PXDNL: variants seen among roughly 807,000 people sequenced by gnomAD.
PXDNL encodes the protein probable oxidoreductase PXDNL.
PXDNL carries 145 observed loss-of-function variants against 150.8 expected under a neutral mutation model. That is an observed-to-expected ratio of 0.96 (90% confidence interval 0.84 to 1.10). The LOEUF is 1.10. PXDNL is among the 50% of genes least tolerant of loss of function. The pLI is 0.00. For missense variants in PXDNL, 2,087 were observed against 1,873.9 expected (o/e 1.11, Z -2.10); for synonymous variants, 757 against 725.7 (o/e 1.04, Z -0.69).
chr8:51,512,952 A>C (rs1811454436), intron 4 of PXDNL, among the ~76,000 whole-genome samples: 1 of 152,212 alleles, frequency 6.6e-6, no homozygotes, highest in African/African-American at 2.4e-5. Flanking sequence ...CAAGCAGCCC[A>C]ACCTAGGTTC....
intron 10 of PXDNL, among the ~76,000 whole-genome samples, chr8:51,449,408 T>C (rs1269806515): frequency 6.6e-6 from 1 of 152,240 alleles, no homozygotes; most frequent in Non-Finnish European, 1.5e-5. Context: ...ATATTGGTTA[T>C]CATTTTAGTA....
chr8:51,608,015 AAGAAAG>A lies in PXDNL; in HGVS notation c.237-15323_237-15318del, dbSNP rs1554557488. On this transcript the variant is annotated intron_variant, in intron 2 of 22. Transcript: ENST00000356297. ...AGAGGAAGGAAGGAAGAAAGAAAGA[AAGAAAG>A]AAAGAAAGAAAGAAAGAAAGAAAGA... Among the ~76,000 whole-genome samples, 15 of 66,394 alleles carry A rather than the reference AAGAAAG, an allele frequency of 2.3e-4. 2 individuals are homozygous for A. The highest frequency in any genetic ancestry group is 1.2e-3 in the African/African-American group (15 of 12,638). 43.6% of individuals were successfully genotyped at this position (66,394 alleles called of 152,430 possible).
intron 2 of PXDNL, among the ~76,000 whole-genome samples, chr8:51,617,272 C>T (rs1814149429): frequency 6.6e-6 from 1 of 152,116 alleles, no homozygotes; most frequent in African/African-American, 2.4e-5. Context: ...AATTAGTTGA[C>T]ATTAAAAGAC....
chr8:51,668,176 C>CTTTTTTTTTTCT (rs1815427457), intron 1 of PXDNL, among the ~76,000 whole-genome samples: 1 of 77,386 alleles, frequency 1.3e-5, no homozygotes, highest in Non-Finnish European at 2.2e-5. Context: ...CTCGCTCTCT[C>CTTTTTTTTTTCT]TTTTTTTTTT....
chr8:51,513,301 A>T (rs1811464563), intron 4 of PXDNL, among the ~76,000 whole-genome samples: 1 of 152,154 alleles, frequency 6.6e-6, no homozygotes, highest in African/African-American at 2.4e-5. Context: ...AGCAGTGAGG[A>T]AAGGGAAGTA....
chr8:51,342,405 G>GA (rs1000809482), intron 20 of PXDNL, among the ~76,000 whole-genome samples: 6 of 151,680 alleles, frequency 4.0e-5, no homozygotes, highest in South Asian at 2.1e-4. Flanking sequence ...TGTTATTTTA[G>GA]AAAAAAATTG....
In PXDNL at chr8:51,488,783, G is replaced by A. The variant is rs149772218; in HGVS notation, c.453-5069C>T. ...TCAATAGACAATGAAGAATCACAAGGCATGGGAGGTTAATTAGGAACATGA... is the reference window on the plus strand; with the variant it reads ...TCAATAGACAATGAAGAATCACAAGACATGGGAGGTTAATTAGGAACATGA... On this transcript the variant is annotated intron_variant, in intron 5 of 22. Coordinates refer to ENST00000356297, the MANE Select transcript of PXDNL (RefSeq NM_144651.5). Among the ~76,000 whole-genome samples, 245 of 152,246 alleles carry A rather than the reference G, an allele frequency of 1.6e-3. 1 individual carries two copies. Among genetic ancestry groups the A allele is most frequent in the Non-Finnish European group, 2.8e-3 (193 of 68,020 alleles).
intron 2 of PXDNL, among the ~76,000 whole-genome samples, chr8:51,615,378 T>C (rs1368447986): frequency 6.6e-6 from 1 of 152,212 alleles, no homozygotes; most frequent in Admixed American, 6.5e-5. Context: ...TAAATGGTTT[T>C]TGCCCAGCTG....
chr8:51,729,056 A>G (rs1359828791), intron 1 of PXDNL, among the ~76,000 whole-genome samples: 5 of 152,198 alleles, frequency 3.3e-5, no homozygotes, highest in African/African-American at 1.2e-4. Flanking sequence ...TGCCTACAGT[A>G]CTCAGTACAG....
At chr8:51,794,428 C>T (rs914487489) in intron 1 of PXDNL, among the ~76,000 whole-genome samples, 7 of 151,950 alleles carry the variant, frequency 4.6e-5, no homozygotes, top group South Asian at 2.1e-4. Context: ...AGGCCAGGTC[C>T]CCTATGAAGG....
At chr8:51,731,770 T>C (rs925738065) in intron 1 of PXDNL, among the ~76,000 whole-genome samples, 1 of 152,212 alleles carries the variant, frequency 6.6e-6, no homozygotes, top group Non-Finnish European at 1.5e-5. Context: ...GTATAAGCCA[T>C]CAAAGCTTGG....
chr8:51,545,958 T>C (rs1041445640), intron 4 of PXDNL, among the ~76,000 whole-genome samples: 2 of 150,668 alleles, frequency 1.3e-5, no homozygotes, highest in African/African-American at 5.0e-5. Context: ...TAAAGTCTCA[T>C]TTAAATCAGA....
intron 1 of PXDNL, among the ~76,000 whole-genome samples, chr8:51,763,265 G>GTA (rs1554513791): frequency 6.6e-6 from 1 of 150,878 alleles, no homozygotes; most frequent in South Asian, 2.1e-4. Flanking sequence ...TGTCGTGCAT[G>GTA]TATATATATA....
chr8:51,538,021 A>G (rs1461149304), intron 4 of PXDNL, among the ~76,000 whole-genome samples: 1 of 152,170 alleles, frequency 6.6e-6, no homozygotes, highest in Non-Finnish European at 1.5e-5. Context: ...ATGTATCTCA[A>G]ACTTGTTACA....
At chr8:51,486,800 T>A (rs1255318963) in intron 5 of PXDNL, among the ~76,000 whole-genome samples, 15 of 59,848 alleles carry the variant, frequency 2.5e-4, no homozygotes, top group African/African-American at 6.2e-4. Context: ...ATATATTTTT[T>A]TTTTTTTTTT....
intron 8 of PXDNL, among the ~76,000 whole-genome samples, chr8:51,468,284 A>G (rs566033702): frequency 1.1e-4 from 17 of 151,950 alleles, no homozygotes; most frequent in African/African-American, 3.9e-4. Flanking sequence ...AATTCTCTCA[A>G]TCTTGTTTTA....
chr8:51,720,191 TA>T (rs74313593), intron 1 of PXDNL, among the ~76,000 whole-genome samples: 2,683 of 143,854 alleles, frequency 0.019, 35 homozygotes, highest in South Asian at 0.048. Flanking sequence ...TATTCCCTCC[TA>T]AAAAAAAAAA....
At chr8:51,401,359 T>C (rs1377489550) in intron 17 of PXDNL, among the ~76,000 whole-genome samples, 2 of 152,070 alleles carry the variant, frequency 1.3e-5, no homozygotes, top group African/African-American at 4.8e-5. Context: ...ACCATATGCA[T>C]AAGTAAGGAG....
chr8:51,506,398 G>A (rs1457434468), intron 4 of PXDNL, among the ~76,000 whole-genome samples: 1 of 151,862 alleles, frequency 6.6e-6, no homozygotes, highest in African/African-American at 2.4e-5. Context: ...AAAATTAGCT[G>A]GGCATGGTGG....
Sources: allele counts gnomAD v4.1 joint callset (sites outside exome capture counted in the v4.1 genomes callset), GRCh38; gene constraint gnomAD v4.1.1; transcripts MANE v1.5; gene names NCBI Gene and HGNC (gene_info 2026-07-23, HGNC 2026-07-21).